FRMPD2: variants seen among roughly 807,000 people sequenced by gnomAD.
The protein encoded by FRMPD2 is FERM and PDZ domain-containing protein 2.
Under a neutral mutation model 140.1 loss-of-function variants are expected in FRMPD2, and 96 were observed. The ratio of observed to expected loss-of-function variants is 0.69; its 90% CI spans 0.58 to 0.81. The LOEUF (loss-of-function observed/expected upper bound fraction) is 0.81. Ranked by LOEUF, FRMPD2 falls within the 40% of genes least tolerant of loss-of-function variation. The pLI, the probability that FRMPD2 is intolerant of heterozygous loss-of-function variation, is 0.00. For missense variants in FRMPD2, 1,240 were observed against 1,447.4 expected (o/e 0.86, Z 2.32); for synonymous variants, 449 against 547.6 (o/e 0.82, Z 2.52).
Position 48,156,859 on chromosome 10 carries a change from G to C in FRMPD2, c.*463C>G, listed in dbSNP as rs1837789733. ...GTCAAGAAGCGTCTAGGATTATTGG[G>C]ACACGTAAATTACATAATTCTGACA... On this transcript the variant is annotated 3_prime_UTR_variant, in exon 29 of 29. Coordinates refer to ENST00000374201, the MANE Select transcript of FRMPD2 (RefSeq NM_001018071.4). 1 of 229,414 alleles carries C rather than the reference G, an allele frequency of 4.4e-6. No homozygotes were observed. The highest frequency in any genetic ancestry group is 8.6e-6 in the Non-Finnish European group (1 of 116,816). 14.2% of individuals were successfully genotyped at this position (229,414 alleles called of 1,614,324 possible).
At chr10:48,253,937 T>C (rs970544418) in intron 1 of FRMPD2, among the ~76,000 whole-genome samples, 1 of 152,132 alleles carries the variant, frequency 6.6e-6, no homozygotes, top group Admixed American at 6.5e-5. Flanking sequence ...TTGTTAAAGC[T>C]AAGAGTCACT....
At chr10:48,242,553 C>T (rs547909056) in intron 4 of FRMPD2, among the ~76,000 whole-genome samples, 13 of 152,400 alleles carry the variant, frequency 8.5e-5, no homozygotes, top group Admixed American at 5.2e-4. Context: ...ATCATCTCTG[C>T]AGCAATTCTG....
intron 12 of FRMPD2, among the ~76,000 whole-genome samples, chr10:48,218,897 G>C (rs1312256559): frequency 1.3e-5 from 2 of 152,170 alleles, no homozygotes; most frequent in African/African-American, 4.8e-5. Flanking sequence ...CTTCAATTTT[G>C]CAAGACAATA....
chr10:48,187,153 G>T (rs1207615687), intron 17 of FRMPD2, 39 bp downstream of exon 17: 3 of 1,437,982 alleles, frequency 2.1e-6, no homozygotes, highest in Admixed American at 3.6e-5. Context: ...CTGCGTAGGG[G>T]TTCCTCCACC....
chr10:48,223,152 C>T lies in FRMPD2; in HGVS notation c.1287G>A (p.Lys429=). 6.2e-7 allele frequency: 1 copy of T among 1,614,000 alleles called. No homozygotes were observed. Among genetic ancestry groups the T allele is most frequent in the Non-Finnish European group, 8.5e-7 (1 of 1,179,894 alleles). The change falls in exon 11 of 29, where the codon AAG becomes AAA. Residue 429 remains lysine (K), a synonymous_variant. Coordinates refer to ENST00000374201, the MANE Select transcript of FRMPD2 (RefSeq NM_001018071.4). The part of the protein sequence containing the change: ...MNTFTLFLRI[K]FFVSHYGLLQ... ...GCAGCCCATAGTGGCTGACAAAGAA[C>T]TTTATCCTCAGGAAGAGTGTGAAGG...
chr10:48,228,049 G>A (rs1192107454), intron 10 of FRMPD2, among the ~76,000 whole-genome samples: 1 of 152,098 alleles, frequency 6.6e-6, no homozygotes, highest in East Asian at 1.9e-4. Context: ...ATTGCTTGAT[G>A]TGAGACAAAT....
intron 9 of FRMPD2, 120 bp from the exon 10 acceptor site, chr10:48,232,409 GA>G: frequency 1.4e-6 from 1 of 700,590 alleles, no homozygotes; most frequent in Non-Finnish European, 2.4e-6. Flanking sequence ...AACTCTAAAA[GA>G]TAAGTATATT....
At chr10:48,202,301 G>A (rs1839104815) in intron 14 of FRMPD2, among the ~76,000 whole-genome samples, 1 of 152,066 alleles carries the variant, frequency 6.6e-6, no homozygotes, top group Non-Finnish European at 1.5e-5. Flanking sequence ...ATGCTTGAAA[G>A]GGCTTCCGGA....
At chr10:48,217,613 C>T (rs922585459) in intron 12 of FRMPD2, among the ~76,000 whole-genome samples, 1 of 152,168 alleles carries the variant, frequency 6.6e-6, no homozygotes, top group Non-Finnish European at 1.5e-5. Flanking sequence ...AGAAAGGATG[C>T]TCCTTATTTC....
intron 15 of FRMPD2, among the ~76,000 whole-genome samples, chr10:48,193,198 T>A (rs574320867): frequency 6.6e-6 from 1 of 152,326 alleles, no homozygotes; most frequent in East Asian, 1.9e-4. Flanking sequence ...TTTGCGGGTG[T>A]GTCGGGCTCC....
intron 20 of FRMPD2, among the ~76,000 whole-genome samples, chr10:48,183,621 C>T (rs1459858894): frequency 3.9e-5 from 6 of 152,030 alleles, no homozygotes; most frequent in African/African-American, 9.6e-5. Context: ...GAGGCTGAGG[C>T]GGGCAGATCA....
At chr10:48,193,841 A>ACC (rs553547394) in intron 15 of FRMPD2, among the ~76,000 whole-genome samples, 1 of 151,376 alleles carries the variant, frequency 6.6e-6, no homozygotes, top group Non-Finnish European at 1.5e-5. Context: ...CTTCAAACAG[A>ACC]CCCCCCTCTC....
intron 10 of FRMPD2, among the ~76,000 whole-genome samples, chr10:48,229,914 G>A (rs2131920262): frequency 6.6e-6 from 1 of 152,202 alleles, no homozygotes; most frequent in East Asian, 1.9e-4. Flanking sequence ...CAAGTTACAG[G>A]TTTCTGATAA....
At chr10:48,190,064 C>T (rs1838793121) in intron 16 of FRMPD2, among the ~76,000 whole-genome samples, 2 of 152,200 alleles carry the variant, frequency 1.3e-5, no homozygotes, top group African/African-American at 4.8e-5. Context: ...TGATGCGGGG[C>T]TTGATCCAGA....
chr10:48,244,239 C>A (rs1840192674), intron 4 of FRMPD2, among the ~76,000 whole-genome samples: 4 of 152,246 alleles, frequency 2.6e-5, no homozygotes. Flanking sequence ...CCCACCTCAG[C>A]CTCCCAAAGT....
intron 1 of FRMPD2, among the ~76,000 whole-genome samples, chr10:48,252,996 C>G (rs903628439): frequency 2.6e-5 from 4 of 151,968 alleles, no homozygotes; most frequent in African/African-American, 9.7e-5. Context: ...TTTTCTAACT[C>G]TCTATAGCCA....
At chr10:48,205,349 C>T (rs950206462) in intron 14 of FRMPD2, among the ~76,000 whole-genome samples, 23 of 152,120 alleles carry the variant, frequency 1.5e-4, no homozygotes, top group African/African-American at 5.3e-4. Flanking sequence ...CAAGAAATCC[C>T]CTGGTGGGGG....
At chr10:48,225,477 CAA>C (rs1319622595) in intron 10 of FRMPD2, among the ~76,000 whole-genome samples, 2 of 152,330 alleles carry the variant, frequency 1.3e-5, no homozygotes, top group Non-Finnish European at 2.9e-5. Context: ...GAACTGATGT[CAA>C]CTCCTGCAAT....
At chr10:48,190,736 T>C (rs1203159328) in intron 16 of FRMPD2, among the ~76,000 whole-genome samples, 1 of 152,162 alleles carries the variant, frequency 6.6e-6, no homozygotes, top group East Asian at 1.9e-4. Context: ...AAACCAAGAT[T>C]AGAGTTATAC....
Sources: gnomAD v4.1 joint callset for allele counts (sites outside exome capture counted in the v4.1 genomes callset) on GRCh38, gnomAD v4.1.1 for gene constraint, MANE v1.5 for transcripts, NCBI Gene and HGNC (gene_info 2026-07-23, HGNC 2026-07-21) for gene names.